EHBP1: variants seen among roughly 807,000 people sequenced by gnomAD.
EHBP1 encodes EH domain-binding protein 1.
Under a neutral mutation model 144.0 loss-of-function variants are expected in EHBP1, and 55 were observed. The observed-to-expected ratio is 0.38, with a 90% CI of 0.31 to 0.48. EHBP1 has a LOEUF of 0.48. Ranked by LOEUF, EHBP1 falls within the 20% of genes least tolerant of loss-of-function variation. EHBP1 has a pLI of 0.98. For synonymous variants in EHBP1, 469 were observed against 472.7 expected (o/e 0.99, Z 0.10); for missense variants, 1,200 against 1,364.2 (o/e 0.88, Z 1.90).
At chr2:62,678,421 C>T (rs2151723690) in intron 1 of EHBP1, among the ~76,000 whole-genome samples, 1 of 152,284 alleles carries the variant, frequency 6.6e-6, no homozygotes, top group Non-Finnish European at 1.5e-5. Flanking sequence ...TCTTTTCTCT[C>T]ATTCTGTGGG....
chr2:62,924,999 A>G (rs926437867), intron 10 of EHBP1, among the ~76,000 whole-genome samples: 2 of 152,248 alleles, frequency 1.3e-5, no homozygotes, highest in Non-Finnish European at 2.9e-5. Flanking sequence ...CGATGGCAAT[A>G]GAAACTCCAC....
chr2:62,777,087 G>C (rs549953475), intron 5 of EHBP1, among the ~76,000 whole-genome samples: 9 of 152,252 alleles, frequency 5.9e-5, no homozygotes, highest in African/African-American at 1.9e-4. Context: ...CGATCGTCCT[G>C]CCTCAGCCTC....
intron 5 of EHBP1, among the ~76,000 whole-genome samples, chr2:62,813,887 C>T (rs956368940): frequency 1.3e-5 from 2 of 152,168 alleles, no homozygotes; most frequent in Admixed American, 6.5e-5. Context: ...GGTTTAATTT[C>T]ACAGGTTCAC....
At chr2:62,775,671 CCTTA>C (rs2042007669) in intron 5 of EHBP1, among the ~76,000 whole-genome samples, 1 of 151,996 alleles carries the variant, frequency 6.6e-6, no homozygotes, top group Non-Finnish European at 1.5e-5. Flanking sequence ...TTTATTGGAC[CCTTA>C]CTATGTACCA....
chr2:62,949,518 A>C (rs2057266341), intron 13 of EHBP1, among the ~76,000 whole-genome samples: 1 of 152,176 alleles, frequency 6.6e-6, no homozygotes, highest in Non-Finnish European at 1.5e-5. Flanking sequence ...AGGCTATGAG[A>C]AAAAAATTGA....
chr2:62,865,064 A>T, intron 9 of EHBP1, 93 bp downstream of exon 9: 3 of 1,352,200 alleles, frequency 2.2e-6, no homozygotes, highest in Non-Finnish European at 3.0e-6. Flanking sequence ...GGTACAAATC[A>T]TTAATGTACA....
chr2:62,752,913 T>A (rs1449809274), intron 3 of EHBP1, among the ~76,000 whole-genome samples: 1 of 152,170 alleles, frequency 6.6e-6, no homozygotes, highest in Non-Finnish European at 1.5e-5. Flanking sequence ...GTGAGATGGG[T>A]TTCCTGAATA....
intron 14 of EHBP1, among the ~76,000 whole-genome samples, chr2:62,961,687 T>C (rs2058009401): frequency 6.6e-6 from 1 of 152,192 alleles, no homozygotes; most frequent in Non-Finnish European, 1.5e-5. Flanking sequence ...AGAAAATATT[T>C]CTTTTTTTAT....
At chr2:62,782,429 G>A (rs561577649) in intron 5 of EHBP1, among the ~76,000 whole-genome samples, 8 of 152,102 alleles carry the variant, frequency 5.3e-5, no homozygotes, top group South Asian at 2.1e-4. Flanking sequence ...TTTTTTTCTC[G>A]GATAAAACTA....
intron 10 of EHBP1, among the ~76,000 whole-genome samples, chr2:62,929,068 C>T (rs895760179): frequency 2.0e-5 from 3 of 152,084 alleles, no homozygotes; most frequent in South Asian, 2.1e-4. Context: ...AGCTCTAATT[C>T]GTAAGAAGAA....
intron 10 of EHBP1, among the ~76,000 whole-genome samples, chr2:62,892,589 A>G (rs1158107037): frequency 6.6e-6 from 1 of 152,124 alleles, no homozygotes; most frequent in African/African-American, 2.4e-5. Flanking sequence ...TTCTTATTAT[A>G]TATTTCTTTA....
At chr2:62,892,207 C>G (rs1024260108) in intron 10 of EHBP1, among the ~76,000 whole-genome samples, 1 of 152,086 alleles carries the variant, frequency 6.6e-6, no homozygotes, top group Non-Finnish European at 1.5e-5. Context: ...ATTTTTCCAC[C>G]ACCACCACGT....
At chr2:62,953,663 T>A (rs1016101205) in intron 13 of EHBP1, among the ~76,000 whole-genome samples, 4 of 152,162 alleles carry the variant, frequency 2.6e-5, no homozygotes, top group Non-Finnish European at 4.4e-5. Flanking sequence ...ATTCTACAGT[T>A]ATTATCTCTG....
At chr2:62,853,249 A>G (rs2048808492) in intron 7 of EHBP1, among the ~76,000 whole-genome samples, 1 of 152,330 alleles carries the variant, frequency 6.6e-6, no homozygotes, top group Non-Finnish European at 1.5e-5. Context: ...CCCAGTATAT[A>G]TAAAAGTTAT....
At chr2:62,831,217 A>G (rs1020186556) in intron 7 of EHBP1, 59 bp downstream of exon 7, 214 of 1,496,656 alleles carry the variant, frequency 1.4e-4, no homozygotes, top group African/African-American at 4.4e-5. Context: ...TCAAAAACTC[A>G]TTCTCATTTC....
chr2:62,878,851 C>T (rs974201448), intron 10 of EHBP1, among the ~76,000 whole-genome samples: 8 of 151,818 alleles, frequency 5.3e-5, no homozygotes, highest in South Asian at 2.1e-4. Context: ...TTCACCGTCT[C>T]TACTAAAAAT....
intron 19 of EHBP1, among the ~76,000 whole-genome samples, 193 bp from the exon 20 acceptor site, chr2:63,037,342 G>A (rs2061482478): frequency 6.6e-6 from 1 of 151,912 alleles, no homozygotes; most frequent in Non-Finnish European, 1.5e-5. Flanking sequence ...AGTAAAATAT[G>A]CATGCCGAAT....
chr2:62,731,310 G>A (rs2037573563), intron 2 of EHBP1, among the ~76,000 whole-genome samples: 2 of 152,046 alleles, frequency 1.3e-5, no homozygotes, highest in Admixed American at 6.6e-5. Context: ...TAGGAGTTTT[G>A]TTGATTTTTT....
At position 62,790,159 on chromosome 2, in the gene EHBP1, T is replaced by C. The variant is rs543332411; in HGVS notation, c.312+18767T>C. The stretch of plus-strand genomic sequence containing the variant: ...CCTGACATAATGTCGTCTTGTGACA[T>C]TGAATGAAATAAATGAAGAAACTAG... On this transcript the variant is annotated intron_variant, in intron 5 of 22. Coordinates refer to ENST00000431489, the MANE Select transcript of EHBP1 (RefSeq NM_001142616.3). 3.3e-5 allele frequency among the ~76,000 whole-genome samples: 5 copies of C among 152,316 alleles called. No homozygotes were observed. In the East Asian group the frequency reaches 7.7e-4, roughly 24 times the overall value.
Sources: gnomAD v4.1 joint callset for allele counts (sites outside exome capture counted in the v4.1 genomes callset) on GRCh38, gnomAD v4.1.1 for gene constraint, MANE v1.5 for transcripts, NCBI Gene and HGNC (gene_info 2026-07-23, HGNC 2026-07-21) for gene names.